AVIL: variants seen among roughly 807,000 people sequenced by gnomAD.
The protein encoded by AVIL is advillin.
Under a neutral mutation model 109.9 loss-of-function variants are expected in AVIL, and 78 were observed. That is an observed-to-expected ratio of 0.71 (90% confidence interval 0.59 to 0.86). The LOEUF (loss-of-function observed/expected upper bound fraction) is 0.86. Among genes scored for constraint, AVIL ranks in the 40% least tolerant of loss-of-function variants. AVIL has a pLI of 0.00. For synonymous variants in AVIL, 367 were observed against 379.1 expected, an observed-to-expected ratio of 0.97 and a Z score of 0.37; for missense variants, 892 against 1,016.5, an observed-to-expected ratio of 0.88 and a Z score of 1.67.
intron 17 of AVIL, among the ~76,000 whole-genome samples, chr12:57,801,785 T>A (rs528109623): frequency 1.3e-5 from 2 of 152,112 alleles, no homozygotes; most frequent in Non-Finnish European, 2.9e-5. Context: ...GAAACCTGGC[T>A]TTCTGTTGAT....
Position 57,810,932 on chromosome 12 carries a change from G to A in AVIL, c.448-6C>T, listed in dbSNP as rs1301554781. 4.3e-6 allele frequency: 7 copies of A among 1,613,748 alleles called. No homozygotes were observed. The highest frequency in any genetic ancestry group is 2.2e-5 in the East Asian group (1 of 44,900). ...CTGTCCCAGCTCATTTCCACCTGTC[G>A]ATGAGAGGTAAACATTGTTCAGGAG... On this transcript the variant is annotated splice_region_variant and splice_polypyrimidine_tract_variant and intron_variant, in intron 5 of 19. Transcript: ENST00000549994.
chr12:57,797,691 C>A lies in AVIL; in HGVS notation c.*191G>T. 2.8e-6 allele frequency: 2 copies of A among 715,372 alleles called. No individual in the cohort carries two copies. Among genetic ancestry groups the A allele is most frequent in the Non-Finnish European group, 3.7e-6 (2 of 533,722 alleles). 44.3% of individuals were successfully genotyped at this position (715,372 alleles called of 1,614,324 possible). A position where few individuals can be genotyped will look rare whatever the true frequency, so the allele number is the denominator to read the frequency against. On this transcript the variant is annotated 3_prime_UTR_variant, in exon 20 of 20. Coordinates refer to ENST00000549994, the MANE Select transcript of AVIL (RefSeq NM_006576.4). ...CAAAACCCAAAAACTATATGGTTAA[C>A]ATTTTAGGTATATAACAAGCAAGGA... is the stretch of plus-strand genomic sequence containing the variant.
intron 11 of AVIL, 76 bp from the exon 12 acceptor site, chr12:57,807,803 C>T (rs545215511): frequency 1.4e-4 from 216 of 1,593,020 alleles, no homozygotes; most frequent in Non-Finnish European, 1.7e-4. Flanking sequence ...AGAGAGAATC[C>T]AGGTGGGAAA....
At chr12:57,800,049 C>T in intron 18 of AVIL, 129 bp from the exon 19 acceptor site, 1 of 1,223,964 alleles carries the variant, frequency 8.2e-7, no homozygotes, top group Non-Finnish European at 1.1e-6. Flanking sequence ...TCTTTGATAA[C>T]AATGCTCCCC....
intron 3 of AVIL, among the ~76,000 whole-genome samples, 168 bp downstream of exon 3, chr12:57,813,981 TTAA>T (rs1956070332): frequency 6.6e-6 from 1 of 152,144 alleles, no homozygotes; most frequent in Non-Finnish European, 1.5e-5. Flanking sequence ...AAACCCAGGC[TTAA>T]TGATGGCCTT....
At chr12:57,808,760 T>G in intron 9 of AVIL, 1 of 572,244 alleles carries the variant, frequency 1.7e-6, no homozygotes. Flanking sequence ...GTTTATTGGC[T>G]TGCGGTGATT....
At chr12:57,803,479 G>A in intron 15 of AVIL, 45 bp downstream of exon 15, 1 of 1,613,730 alleles carries the variant, frequency 6.2e-7, no homozygotes, top group Non-Finnish European at 8.5e-7. Context: ...CACAAGCCTG[G>A]CAGGCAGGGG....
intron 16 of AVIL, chr12:57,802,615 A>G: frequency 2.8e-6 from 2 of 702,946 alleles, no homozygotes; most frequent in Non-Finnish European, 5.2e-6. Flanking sequence ...AACTTCTTGC[A>G]GAACACCTCC....
At chr12:57,818,083 A>G (rs1045348111) in intron 1 of AVIL, among the ~76,000 whole-genome samples, 30 of 151,022 alleles carry the variant, frequency 2.0e-4, no homozygotes, top group African/African-American at 7.3e-4. Flanking sequence ...CAGTGGTACA[A>G]TCACGGCTCA....
intron 19 of AVIL, among the ~76,000 whole-genome samples, chr12:57,799,328 G>A (rs1178751732): frequency 1.3e-5 from 2 of 152,268 alleles, no homozygotes; most frequent in African/African-American, 4.8e-5. Context: ...GAAGGGTGGT[G>A]AGTGATGAGG....
At chr12:57,808,157 G>A (rs1366803464) in intron 11 of AVIL, 37 bp downstream of exon 11, 2 of 1,601,176 alleles carry the variant, frequency 1.2e-6, no homozygotes, top group South Asian at 1.1e-5. Flanking sequence ...ATGAAGGCCA[G>A]TGCTGTCTGC....
chr12:57,800,167 G>A (rs1955818487), intron 18 of AVIL: 2 of 412,206 alleles, frequency 4.9e-6, no homozygotes, highest in Admixed American at 3.7e-5. Flanking sequence ...TGTATAGCTA[G>A]TTTGGCATAC....
In AVIL at chr12:57,806,453, T is replaced by G; in HGVS notation, c.1578A>C (p.Lys526Asn). The change falls in exon 14 of 20, where the codon AAA becomes AAC. Residue 526 changes from lysine to asparagine, a missense_variant. Physicochemically the swap from Lys to Asn is moderately conservative, Grantham distance 94. Coordinates refer to ENST00000549994, the MANE Select transcript of AVIL (RefSeq NM_006576.4). ...AGGCAAAGGCTGGAACTTCCACTGC[T>G]TTGGTGTTAGATTTGTCATTTCCAT... ...QIHGNDKSNT[K>N]AVEVPAFASS... is the part of the protein sequence containing the mutation. 6.2e-7 allele frequency: 1 copy of G among 1,614,132 alleles called. No homozygotes were observed. Among genetic ancestry groups the G allele is most frequent in the Non-Finnish European group, 8.5e-7 (1 of 1,180,010 alleles).
intron 14 of AVIL, among the ~76,000 whole-genome samples, chr12:57,805,398 A>T (rs116369762): frequency 4.9e-4 from 74 of 152,010 alleles, no homozygotes; most frequent in African/African-American, 1.6e-3. Flanking sequence ...AATTGACATC[A>T]TATTTTGTGT....
At chr12:57,805,242 A>C (rs553192742) in intron 14 of AVIL, among the ~76,000 whole-genome samples, 1 of 151,802 alleles carries the variant, frequency 6.6e-6, no homozygotes, top group Non-Finnish European at 1.5e-5. Context: ...TTTTTAGTAG[A>C]GGCGGGGTTT....
chr12:57,814,411 A>G (rs1410634706), intron 2 of AVIL, 185 bp from the exon 3 acceptor site: 3 of 600,794 alleles, frequency 5.0e-6, no homozygotes, highest in Non-Finnish European at 8.9e-6. Flanking sequence ...GGCTTCTGTG[A>G]GCTCTGCTTG....
rs750378255 is a variant in AVIL at position 57,810,473 on chromosome 12, C to T, written c.637G>A (p.Glu213Lys). ...TTCATCAGCTCTGGGCTGGCTGCCTCCTTGTCTCCCTCGATCACTCCTATT... is the reference window on the plus strand; with the variant it reads ...TTCATCAGCTCTGGGCTGGCTGCCTTCTTGTCTCCCTCGATCACTCCTATT... ...AKIGVIEGDK[E>K]AASPELMKVL... Residue 213 changes from glutamate (E) to lysine (K), a missense_variant, in exon 7 of 20, where the codon GAG (glutamate) becomes AAG (lysine). Coordinates refer to ENST00000549994, the MANE Select transcript of AVIL (RefSeq NM_006576.4). 8 of 1,614,202 alleles carry T rather than the reference C, an allele frequency of 5.0e-6. No individual in the cohort carries two copies. Among genetic ancestry groups the T allele is most frequent in the Non-Finnish European group, 5.9e-6 (7 of 1,180,034 alleles).
intron 19 of AVIL, among the ~76,000 whole-genome samples, chr12:57,799,449 G>T (rs1318513946): frequency 6.6e-6 from 1 of 152,192 alleles, no homozygotes; most frequent in Non-Finnish European, 1.5e-5. Context: ...TTTAAACAGG[G>T]CCGTGCCATA....
rs1955839705 is a variant in AVIL, at chr12:57,801,164, C to T, written c.2200G>A (p.Ala734Thr). 2 of 1,613,728 alleles carry T rather than the reference C, an allele frequency of 1.2e-6. No homozygotes were observed. The highest frequency in any genetic ancestry group is 1.1e-5 in the South Asian group (1 of 91,064). ...QLKEELGDAAAIMRITADMKN... is the reference protein window; with the variant it reads ...QLKEELGDAATIMRITADMKN... ...CTCACAGCAGTGATTCGCATGATAG[C>T]AGCAGCATCTCCCAGCTCTTCTTTT... The change falls in exon 18 of 20, where the codon GCT becomes ACT. Residue 734 changes from alanine (A) to threonine (T), a missense_variant. Physicochemically the swap from Ala to Thr is moderately conservative, Grantham distance 58. Coordinates refer to ENST00000549994, the MANE Select transcript of AVIL (RefSeq NM_006576.4).
Sources: allele counts gnomAD v4.1 joint callset (sites outside exome capture counted in the v4.1 genomes callset), GRCh38; gene constraint gnomAD v4.1.1; transcripts MANE v1.5; gene names NCBI Gene and HGNC (gene_info 2026-07-23, HGNC 2026-07-21).